SLCO3A1: variants seen among roughly 807,000 people sequenced by gnomAD.
SLCO3A1 encodes PGE1 transporter.
Under a neutral mutation model 63.1 loss-of-function variants are expected in SLCO3A1, and 27 were observed. The observed-to-expected ratio is 0.43, with a 90% confidence interval of 0.32 to 0.59. The LOEUF is 0.59. Ranked by LOEUF, SLCO3A1 falls within the 20% of genes least tolerant of loss-of-function variation. The pLI, the probability that SLCO3A1 is intolerant of heterozygous loss-of-function variation, is 0.09. For missense variants in SLCO3A1, 773 were observed against 945.8 expected (o/e 0.82, Z 2.40); for synonymous variants, 473 against 409.9 (o/e 1.15, Z -1.86).
At chr15:91,855,966 G>C (rs963189646) in intron 1 of SLCO3A1, among the ~76,000 whole-genome samples, 4 of 151,888 alleles carry the variant, frequency 2.6e-5, no homozygotes, top group African/African-American at 9.7e-5. Context: ...ACTATTTTTC[G>C]GTTGCAGTGA....
At position 91,856,354 on chromosome 15, in the gene SLCO3A1, C is replaced by T. The variant is rs942889969; in HGVS notation, c.180+2266C>T. Among the ~76,000 whole-genome samples, 5 of 152,094 alleles carry T rather than the reference C, an allele frequency of 3.3e-5. No homozygotes were observed. The highest frequency in any genetic ancestry group is 2.1e-4 in the South Asian group (1 of 4,806). ...AAGGCTCTAAGGGCTCTGCTTTGCC[C>T]GGCTGCCCTCGTCTTTGCCTTGCCA... On this transcript the variant is annotated intron_variant, in intron 1 of 9. Coordinates refer to ENST00000318445, the MANE Select transcript of SLCO3A1 (RefSeq NM_013272.4). This position sits in a 1 kb window ranked among gnomAD's most constrained non-coding sequence, Gnocchi z 4.9.
At position 92,122,787 on chromosome 15, in the gene SLCO3A1, T is replaced by C. The variant is rs191339908; in HGVS notation, c.1174+2158T>C. On this transcript the variant is annotated intron_variant, in intron 5 of 9. Coordinates refer to ENST00000318445, the MANE Select transcript of SLCO3A1 (RefSeq NM_013272.4). ...CCGTCAATGTAAAATGGATAAATTA[T>C]AGAATGTTCTATGGTAAACTATTGC... 8.1e-4 allele frequency among the ~76,000 whole-genome samples: 124 copies of C among 152,336 alleles called. No individual in the cohort carries two copies. The Middle Eastern group carries it at 0.01, about 13-fold the overall frequency.
downstream of SLCO3A1, among the ~76,000 whole-genome samples, chr15:92,168,331 G>A (rs185967374): frequency 1.6e-3 from 242 of 152,306 alleles, no homozygotes; most frequent in African/African-American, 5.3e-3. Flanking sequence ...CCCAGAGAGA[G>A]CGCCACCAAA....
At chr15:91,973,125 A>G (rs919694409) in intron 2 of SLCO3A1, among the ~76,000 whole-genome samples, 1 of 152,246 alleles carries the variant, frequency 6.6e-6, no homozygotes, top group African/African-American at 2.4e-5. Flanking sequence ...AAAAGAAAAG[A>G]AAAGGGCAAC....
intron 2 of SLCO3A1, among the ~76,000 whole-genome samples, chr15:92,075,172 C>T (rs1274897022): frequency 6.6e-6 from 1 of 152,190 alleles, no homozygotes; most frequent in Non-Finnish European, 1.5e-5. Flanking sequence ...CATCCTGAAT[C>T]CGACTCTGGC....
In SLCO3A1 at chr15:91,950,020, C is replaced by T. The variant is rs1041364773; in HGVS notation, c.646+33562C>T. 4.6e-5 allele frequency among the ~76,000 whole-genome samples: 7 copies of T among 151,970 alleles called. No individual in the cohort carries two copies. The highest frequency in any genetic ancestry group is 3.9e-4 in the East Asian group (2 of 5,188). ...AGACCCTGTCTCTAAAAAACAACAA[C>T]GAAAAGAAGGCAGACTGTGATGGAT... On this transcript the variant is annotated intron_variant, in intron 2 of 9. Coordinates refer to ENST00000318445, the MANE Select transcript of SLCO3A1 (RefSeq NM_013272.4). This position sits in a 1 kb window ranked among gnomAD's most constrained non-coding sequence, Gnocchi z 4.4.
At position 92,164,967 on chromosome 15, in the gene SLCO3A1, G is replaced by GTTGA. The variant is rs3030616; in HGVS notation, c.*1836_*1839dup. The GTTGA allele has an allele frequency of 0.36, 350,993 of 984,866 alleles. 62,844 individuals carry two copies. The highest frequency in any genetic ancestry group is 0.43 in the Admixed American group (6,956 of 16,260). 61.0% of individuals were successfully genotyped at this position (984,866 alleles called of 1,614,324 possible). A position where few individuals can be genotyped will look rare whatever the true frequency, so the allele number is the denominator to read the frequency against. The stretch of plus-strand genomic sequence containing the variant: ...CTGGCGCTGGAAAAAAAACTCAAAG[G>GTTGA]TTGATTGGTTTGCTTTTTCACCTTG... On this transcript the variant is annotated 3_prime_UTR_variant, in exon 10 of 10. Transcript: ENST00000318445.
At chr15:91,893,748 T>C (rs1472925812) in intron 1 of SLCO3A1, among the ~76,000 whole-genome samples, 1 of 152,226 alleles carries the variant, frequency 6.6e-6, no homozygotes, top group African/African-American at 2.4e-5. Context: ...GTTAGAACTT[T>C]TAGGCCGGTA....
At chr15:92,093,348 A>T (rs1004395069) in intron 2 of SLCO3A1, among the ~76,000 whole-genome samples, 51 of 152,288 alleles carry the variant, frequency 3.3e-4, no homozygotes, top group African/African-American at 9.6e-4. Context: ...GAGGTCCCAG[A>T]TTCCTTTAAA....
intron 6 of SLCO3A1, among the ~76,000 whole-genome samples, chr15:92,126,679 C>T (rs907212033): frequency 1.3e-5 from 2 of 152,062 alleles, no homozygotes; most frequent in Non-Finnish European, 2.9e-5. Context: ...TGGCCCATGG[C>T]AGGTGTTCTT....
At chr15:92,035,332 T>C (rs964289749) in intron 2 of SLCO3A1, among the ~76,000 whole-genome samples, 1 of 151,848 alleles carries the variant, frequency 6.6e-6, no homozygotes, top group African/African-American at 2.4e-5. Flanking sequence ...ATGATTTTGC[T>C]TTTTCCTTCG....
In SLCO3A1 at chr15:91,863,896, G is replaced by A. The variant is rs975778480; in HGVS notation, c.180+9808G>A. On this transcript the variant is annotated intron_variant, in intron 1 of 9. Coordinates refer to ENST00000318445, the MANE Select transcript of SLCO3A1 (RefSeq NM_013272.4). The surrounding 1 kb of genome is among the most constrained non-coding windows in gnomAD (Gnocchi z 4.3). The stretch of plus-strand genomic sequence containing the variant: ...TGACAGTTTCTCAGCCAGCCAAAGA[G>A]AGGATATCTTTTGGAAACAAAAACC... 4.6e-5 allele frequency among the ~76,000 whole-genome samples: 7 copies of A among 152,206 alleles called. No individual in the cohort carries two copies. The highest frequency in any genetic ancestry group is 6.5e-5 in the Admixed American group (1 of 15,286).
chr15:91,911,423 A>C (rs1370287459), intron 1 of SLCO3A1, among the ~76,000 whole-genome samples: 1 of 151,996 alleles, frequency 6.6e-6, no homozygotes, highest in Non-Finnish European at 1.5e-5. Context: ...CAGACCTGCA[A>C]AATCAAAGAC....
In SLCO3A1 at chr15:91,886,659, C is replaced by G. The variant is rs79210300; in HGVS notation, c.181-29334C>G. On this transcript the variant is annotated intron_variant, in intron 1 of 9. Transcript: ENST00000318445. The surrounding 1 kb of genome is among the most constrained non-coding windows in gnomAD (Gnocchi z 4.9). ...ACACAGCACAGATGCATCCAATGTCCTTATCTCTCAGGCTTTGCTTTCAAG... is the reference window on the plus strand; with the variant it reads ...ACACAGCACAGATGCATCCAATGTCGTTATCTCTCAGGCTTTGCTTTCAAG... Among the ~76,000 whole-genome samples, 1,401 of 152,324 alleles carry G rather than the reference C, an allele frequency of 9.2e-3. 23 individuals carry two copies. The highest frequency in any genetic ancestry group is 0.032 in the African/African-American group (1,345 of 41,570).
downstream of SLCO3A1, chr15:92,165,971 GAA>G (rs2048490671): frequency 1.2e-6 from 1 of 834,996 alleles, no homozygotes; most frequent in Non-Finnish European, 1.4e-6. Flanking sequence ...CAGGGTGGAT[GAA>G]AAGTCTCTCT....
chr15:92,033,616 A>C lies in SLCO3A1; in HGVS notation c.647-61265A>C, dbSNP rs537547159. Among the ~76,000 whole-genome samples, 1 of 152,356 alleles carries C rather than the reference A, an allele frequency of 6.6e-6. No homozygotes were observed. The highest frequency in any genetic ancestry group is 1.9e-4 in the East Asian group (1 of 5,184). ...GCTTAAGAGCTGTGCATACAGCAGC[A>C]AACAAAATAGAGAAAAATCCCTTCC... On this transcript the variant is annotated intron_variant, in intron 2 of 9. Transcript: ENST00000318445. This position sits in a 1 kb window ranked among gnomAD's most constrained non-coding sequence, Gnocchi z 4.5.
intron 2 of SLCO3A1, among the ~76,000 whole-genome samples, chr15:92,068,082 A>G (rs2047172842): frequency 6.6e-6 from 1 of 152,120 alleles, no homozygotes; most frequent in African/African-American, 2.4e-5. Context: ...TTCAACATGA[A>G]TTTGGCAAGT....
intron 2 of SLCO3A1, among the ~76,000 whole-genome samples, chr15:91,936,609 G>A (rs1899422647): frequency 6.6e-6 from 1 of 152,228 alleles, no homozygotes; most frequent in South Asian, 2.1e-4. Flanking sequence ...AGAAAAGAAT[G>A]CATGTCGTGC....
chr15:91,975,542 T>C (rs1481794855), intron 2 of SLCO3A1, among the ~76,000 whole-genome samples: 1 of 152,218 alleles, frequency 6.6e-6, no homozygotes, highest in Non-Finnish European at 1.5e-5. Context: ...GTATTTCAAA[T>C]GTTGGGTTCA....
Sources: gnomAD v4.1 joint callset for allele counts (sites outside exome capture counted in the v4.1 genomes callset) on GRCh38, gnomAD v4.1.1 for gene constraint, Gnocchi (gnomAD v3.1) non-coding constraint, MANE v1.5 for transcripts, NCBI Gene and HGNC (gene_info 2026-07-23, HGNC 2026-07-21) for gene names.